Variants in SH2D4A observed in about 807,000 individuals in gnomAD.
SH2D4A encodes the protein SH2 domain-containing protein 4A.
A neutral mutation model predicts 64.7 loss-of-function variants in SH2D4A; 70 were observed. The ratio of observed to expected loss-of-function variants is 1.08; its 90% CI spans 0.89 to 1.32. SH2D4A has a LOEUF of 1.32. Among genes scored for constraint, SH2D4A ranks in the 40% most tolerant of loss-of-function variants. The pLI is 0.00. For missense variants in SH2D4A, 706 were observed against 540.1 expected (o/e 1.31, Z -3.04); for synonymous variants, 268 against 200.7 (o/e 1.34, Z -2.83).
intron 7 of SH2D4A, among the ~76,000 whole-genome samples, chr8:19,366,018 C>CTATA (rs35704805): frequency 2.7e-4 from 41 of 150,152 alleles, no homozygotes; most frequent in Admixed American, 1.5e-3. Flanking sequence ...ATATGTACAA[C>CTATA]TATATATATA....
At chr8:19,355,557 T>G (rs146699373) in intron 4 of SH2D4A, among the ~76,000 whole-genome samples, 78 of 152,356 alleles carry the variant, frequency 5.1e-4, no homozygotes, top group African/African-American at 1.5e-3. Flanking sequence ...CGCATCTCAT[T>G]TTCTTATCAC....
chr8:19,320,285 T>C (rs2052165871), intron 2 of SH2D4A, among the ~76,000 whole-genome samples: 1 of 152,068 alleles, frequency 6.6e-6, no homozygotes, highest in Admixed American at 6.6e-5. Context: ...CTCTGGTAGT[T>C]TGAGAGGGTT....
intron 8 of SH2D4A, among the ~76,000 whole-genome samples, chr8:19,381,932 G>T (rs997844498): frequency 6.6e-6 from 1 of 151,982 alleles, no homozygotes; most frequent in Non-Finnish European, 1.5e-5. Context: ...TGTTAATACG[G>T]TGTGTTACAT....
intron 4 of SH2D4A, among the ~76,000 whole-genome samples, chr8:19,355,901 T>G (rs1488368502): frequency 1.3e-5 from 2 of 152,178 alleles, no homozygotes; most frequent in Non-Finnish European, 2.9e-5. Context: ...AGGCTAAACT[T>G]TTGAAGGAAA....
intron 8 of SH2D4A, among the ~76,000 whole-genome samples, chr8:19,383,675 A>G (rs552559344): frequency 2.6e-5 from 4 of 152,148 alleles, no homozygotes; most frequent in East Asian, 3.9e-4. Flanking sequence ...CTCTATGTCA[A>G]GGATCAGCCT....
chr8:19,355,088 C>T (rs2052770138), intron 4 of SH2D4A, among the ~76,000 whole-genome samples: 2 of 152,180 alleles, frequency 1.3e-5, no homozygotes, highest in Non-Finnish European at 2.9e-5. Flanking sequence ...GTGAAACCTA[C>T]AGGATTCATT....
chr8:19,350,108 T>A (rs965834745), intron 4 of SH2D4A, among the ~76,000 whole-genome samples: 6 of 152,262 alleles, frequency 3.9e-5, no homozygotes, highest in African/African-American at 1.4e-4. Context: ...ATTCTGAATA[T>A]TTTCTCAACA....
At chr8:19,313,998 TGCGGGGTTGGGC>T in intron 1 of SH2D4A, 175 bp downstream of exon 1, 1 of 1,202,678 alleles carries the variant, frequency 8.3e-7, no homozygotes, top group Non-Finnish European at 1.0e-6. Context: ...CGGGCTCAGG[TGCGGGGTTGGGC>T]GGCGAGAGCG....
At chr8:19,394,006 G>A (rs2053544238) in intron 9 of SH2D4A, among the ~76,000 whole-genome samples, 1 of 137,272 alleles carries the variant, frequency 7.3e-6, no homozygotes. Flanking sequence ...ATCAGTGGGA[G>A]CCCCGAACTT....
intron 8 of SH2D4A, among the ~76,000 whole-genome samples, chr8:19,391,690 C>T (rs2053495425): frequency 6.6e-6 from 1 of 152,176 alleles, no homozygotes; most frequent in Non-Finnish European, 1.5e-5. Context: ...GTTGGATGAT[C>T]TTGGCTAGAA....
intron 4 of SH2D4A, among the ~76,000 whole-genome samples, chr8:19,347,465 C>A (rs1413680338): frequency 2.0e-5 from 3 of 152,158 alleles, no homozygotes; most frequent in African/African-American, 7.2e-5. Context: ...GTCCCCCGTC[C>A]CCACTCAGAG....
rs117311305 is a variant in SH2D4A, at chr8:19,316,731, A to G, written c.-204-2613A>G. ...CTGCTGTTCTGATTCTGGGCACACA[A>G]ATAAACTCACAAAAAGGCCTCTGTG... On this transcript the variant is annotated intron_variant, in intron 1 of 9. Coordinates refer to ENST00000265807, the MANE Select transcript of SH2D4A (RefSeq NM_022071.4). 6.4e-4 allele frequency among the ~76,000 whole-genome samples: 98 copies of G among 152,344 alleles called. 1 individual carries two copies. In the East Asian group the frequency reaches 0.018, roughly 28 times the overall value.
At chr8:19,381,550 G>GT (rs1288292790) in intron 8 of SH2D4A, among the ~76,000 whole-genome samples, 16 of 152,156 alleles carry the variant, frequency 1.1e-4, no homozygotes, top group Non-Finnish European at 2.4e-4. Flanking sequence ...AGTTTTAACA[G>GT]TTTTTTGTGG....
At position 19,332,988 on chromosome 8, in the gene SH2D4A, C is replaced by T. The variant is rs150442613; in HGVS notation, c.215C>T (p.Ala72Val). Residue 72 changes from alanine (A) to valine (V), a missense_variant, in exon 3 of 10, where the codon GCT (alanine) becomes GTT (valine). By Grantham distance (64) the Ala-to-Val change is moderately conservative. Transcript: ENST00000265807. Reference sequence around the variant, plus strand: ...AAATCGGTTCATTGGAAACTTGGAGCTGATAAGGAAGTCTGGGTATGGGTG... The same window carrying T: ...AAATCGGTTCATTGGAAACTTGGAGTTGATAAGGAAGTCTGGGTATGGGTG... ...NGKSVHWKLG[A>V]DKEVWVWVMG... is the part of the protein sequence containing the mutation. 2 of 1,613,260 alleles carry T rather than the reference C, an allele frequency of 1.2e-6. No individual in the cohort carries two copies. The highest frequency in any genetic ancestry group is 1.7e-6 in the Non-Finnish European group (2 of 1,179,840).
chr8:19,348,718 T>C (rs1290588974), intron 4 of SH2D4A, among the ~76,000 whole-genome samples: 1 of 152,166 alleles, frequency 6.6e-6, no homozygotes, highest in Non-Finnish European at 1.5e-5. Flanking sequence ...GCAACAAAAG[T>C]TTTTGGTTTT....
At chr8:19,394,526 G>T (rs1224102368) in intron 9 of SH2D4A, 24 bp from the exon 10 acceptor site, 1 of 1,564,212 alleles carries the variant, frequency 6.4e-7, no homozygotes. Context: ...TACACTATCT[G>T]ACCCCGTGCC....
At chr8:19,314,951 C>G (rs574836367) in intron 1 of SH2D4A, among the ~76,000 whole-genome samples, 51 of 152,312 alleles carry the variant, frequency 3.3e-4, no homozygotes, top group Non-Finnish European at 5.9e-4. Context: ...ACAGAGCTGG[C>G]TGTTTTAAAA....
chr8:19,357,696 A>T (rs1181411391), intron 5 of SH2D4A, among the ~76,000 whole-genome samples: 1 of 152,126 alleles, frequency 6.6e-6, no homozygotes, highest in Non-Finnish European at 1.5e-5. Flanking sequence ...TGTCCTCCAC[A>T]TCCACCATGC....
chr8:19,394,699 C>G lies in SH2D4A; in HGVS notation c.*57C>G. The G allele has an allele frequency of 7.3e-7, 1 of 1,368,692 alleles. No homozygotes were observed. Among genetic ancestry groups the G allele is most frequent in the Non-Finnish European group, 1.0e-6 (1 of 992,758 alleles). 84.8% of individuals were successfully genotyped at this position (1,368,692 alleles called of 1,614,324 possible). A position where few individuals can be genotyped will look rare whatever the true frequency, so the allele number is the denominator to read the frequency against. The stretch of plus-strand genomic sequence containing the variant: ...AAGCGGGCTTTCCCCTGGACAAATG[C>G]CACTGCAACATTTATGTGTGAAGCC... On this transcript the variant is annotated 3_prime_UTR_variant, in exon 10 of 10. Transcript: ENST00000265807.
Sources: gnomAD v4.1 joint callset for allele counts (sites outside exome capture counted in the v4.1 genomes callset) on GRCh38, gnomAD v4.1.1 for gene constraint, MANE v1.5 for transcripts, NCBI Gene and HGNC (gene_info 2026-07-23, HGNC 2026-07-21) for gene names.